Variants in MALRD1 observed in about 807,000 individuals in gnomAD.
MALRD1 encodes MAM and LDL-receptor class A domain-containing protein 1.
In MALRD1, 247 loss-of-function variants were observed where a neutral mutation model predicts 242.1. That is an observed-to-expected ratio of 1.02 (90% CI 0.92 to 1.13). MALRD1 has a LOEUF of 1.13. Among genes scored for constraint, MALRD1 ranks in the 50% most tolerant of loss-of-function variants. The pLI is 0.00. For missense variants in MALRD1, 2,989 were observed against 2,533.1 expected (o/e 1.18, Z -3.86); for synonymous variants, 995 against 866.6 (o/e 1.15, Z -2.60).
chr10:19,111,998 G>A (rs1243866284), intron 5 of MALRD1, among the ~76,000 whole-genome samples: 1 of 151,944 alleles, frequency 6.6e-6, no homozygotes, highest in East Asian at 1.9e-4. Context: ...TTGCCAAATG[G>A]GACTCTCTAG....
chr10:19,460,456 T>G (rs1310757299), intron 29 of MALRD1, among the ~76,000 whole-genome samples: 1 of 152,106 alleles, frequency 6.6e-6, no homozygotes, highest in Non-Finnish European at 1.5e-5. Flanking sequence ...CACAGATTTT[T>G]TTTTTTTTAC....
At chr10:19,241,067 C>T (rs747940329) in intron 18 of MALRD1, among the ~76,000 whole-genome samples, 3 of 152,132 alleles carry the variant, frequency 2.0e-5, no homozygotes, top group African/African-American at 7.2e-5. Flanking sequence ...CAAGATATTG[C>T]GAGCCTCATA....
At chr10:19,083,126 T>C (rs945212181) in intron 2 of MALRD1, among the ~76,000 whole-genome samples, 5 of 152,142 alleles carry the variant, frequency 3.3e-5, no homozygotes, top group South Asian at 2.1e-4. Context: ...TCTTCAAAGA[T>C]TATGTTTCCA....
At chr10:19,547,409 C>G (rs1055520609) in intron 32 of MALRD1, among the ~76,000 whole-genome samples, 1 of 151,914 alleles carries the variant, frequency 6.6e-6, no homozygotes, top group Non-Finnish European at 1.5e-5. Flanking sequence ...TTAGAAACTC[C>G]GAAATTTCTA....
intron 36 of MALRD1, among the ~76,000 whole-genome samples, chr10:19,686,572 A>G (rs1842591734): frequency 1.3e-5 from 2 of 152,092 alleles, no homozygotes; most frequent in South Asian, 4.1e-4. Context: ...CCAATGGGAG[A>G]CTGCCTTTCT....
At chr10:19,619,863 A>G (rs1032262910) in intron 36 of MALRD1, among the ~76,000 whole-genome samples, 1 of 152,006 alleles carries the variant, frequency 6.6e-6, no homozygotes, top group African/African-American at 2.4e-5. Flanking sequence ...ATCGAAATAA[A>G]GGCCAGGTTC....
At chr10:19,118,310 C>A (rs1238663886) in intron 5 of MALRD1, among the ~76,000 whole-genome samples, 1 of 152,136 alleles carries the variant, frequency 6.6e-6, no homozygotes, top group African/African-American at 2.4e-5. Flanking sequence ...TCAGGAGATC[C>A]TGAGAACAGG....
chr10:19,494,033 A>G (rs993312641), intron 30 of MALRD1, among the ~76,000 whole-genome samples: 3 of 152,158 alleles, frequency 2.0e-5, no homozygotes, highest in African/African-American at 4.8e-5. Context: ...GAGCCCACAC[A>G]TTCAGGGCAT....
intron 11 of MALRD1, among the ~76,000 whole-genome samples, chr10:19,147,000 G>T (rs1160596196): frequency 6.6e-6 from 1 of 152,076 alleles, no homozygotes; most frequent in Non-Finnish European, 1.5e-5. Context: ...ATATACGTTA[G>T]CATCGTCTTA....
At chr10:19,392,052 C>T (rs1312133035) in intron 28 of MALRD1, among the ~76,000 whole-genome samples, 1 of 152,208 alleles carries the variant, frequency 6.6e-6, no homozygotes. Context: ...GATTTAAAAG[C>T]ATGTGCCATT....
chr10:19,681,104 A>T (rs1034855802), intron 36 of MALRD1, among the ~76,000 whole-genome samples: 3 of 151,868 alleles, frequency 2.0e-5, no homozygotes, highest in Non-Finnish European at 4.4e-5. Flanking sequence ...GACCTTGGAG[A>T]ATCTGATTAT....
chr10:19,316,031 C>T (rs2132010029), intron 21 of MALRD1, among the ~76,000 whole-genome samples: 1 of 150,682 alleles, frequency 6.6e-6, no homozygotes, highest in Non-Finnish European at 1.5e-5. Flanking sequence ...ACTTTTATTT[C>T]TCTGTGCCTC....
At chr10:19,348,164 A>G (rs1042916943) in intron 25 of MALRD1, 146 bp downstream of exon 25, 8 of 1,080,096 alleles carry the variant, frequency 7.4e-6, no homozygotes, top group Non-Finnish European at 1.0e-5. Context: ...GAAGGGGGGA[A>G]AAAATGAAGT....
chr10:19,543,893 C>T (rs1438215311), intron 32 of MALRD1, among the ~76,000 whole-genome samples: 1 of 152,124 alleles, frequency 6.6e-6, no homozygotes, highest in East Asian at 1.9e-4. Context: ...CCCAAATAAA[C>T]TCTCTACTTA....
chr10:19,237,723 A>G (rs1388208810), intron 18 of MALRD1, among the ~76,000 whole-genome samples: 1 of 111,088 alleles, frequency 9.0e-6, no homozygotes, highest in Non-Finnish European at 1.8e-5. Flanking sequence ...TTTATATATA[A>G]ATATATAATT....
chr10:19,440,346 C>CT (rs985269949), intron 28 of MALRD1, among the ~76,000 whole-genome samples: 4 of 150,970 alleles, frequency 2.6e-5, no homozygotes, highest in Non-Finnish European at 4.4e-5. Flanking sequence ...AAAACCCATT[C>CT]TTTTTTTTTA....
chr10:19,675,833 A>T (rs1172809613), intron 36 of MALRD1, among the ~76,000 whole-genome samples: 1 of 152,210 alleles, frequency 6.6e-6, no homozygotes, highest in Non-Finnish European at 1.5e-5. Flanking sequence ...GCTTGCAAAG[A>T]TTGATAAAGA....
intron 14 of MALRD1, among the ~76,000 whole-genome samples, chr10:19,176,423 G>A (rs1172506572): frequency 7.9e-6 from 1 of 127,336 alleles, no homozygotes; most frequent in East Asian, 2.3e-4. Context: ...GCCGGACTGC[G>A]GACTGCAGTG....
chr10:19,104,526 A>G lies in MALRD1; in HGVS notation c.694+451A>G, dbSNP rs141296620. On this transcript the variant is annotated intron_variant, in intron 5 of 39. Coordinates refer to ENST00000454679, the MANE Select transcript of MALRD1 (RefSeq NM_001142308.3). ...CAATAAACTACATATATCAGATATA[A>G]ATTTTTATTTATATTGTTCCTTTGA... Among the ~76,000 whole-genome samples, 1,437 of 152,186 alleles carry G rather than the reference A, an allele frequency of 9.4e-3. 31 individuals carry two copies. Among genetic ancestry groups the G allele is most frequent in the African/African-American group, 0.033 (1,387 of 41,536 alleles).
Sources: gnomAD v4.1 joint callset for allele counts (sites outside exome capture counted in the v4.1 genomes callset) on GRCh38, gnomAD v4.1.1 for gene constraint, MANE v1.5 for transcripts, NCBI Gene and HGNC (gene_info 2026-07-23, HGNC 2026-07-21) for gene names.